EXOC6B: variants seen among roughly 807,000 people sequenced by gnomAD.
EXOC6B encodes SEC15 homolog B.
EXOC6B carries 54 observed loss-of-function variants against 113.5 expected under a neutral mutation model. The observed-to-expected ratio is 0.48, with a 90% CI of 0.38 to 0.60. EXOC6B has a LOEUF of 0.60. Ranked by LOEUF, EXOC6B falls within the 20% of genes least tolerant of loss-of-function variation. The probability of loss-of-function intolerance (pLI) is 0.00; values close to 1 mark genes in which losing one functional copy is unlikely to be tolerated. For missense variants in EXOC6B, 797 were observed against 977.5 expected (o/e 0.82, Z 2.46); for synonymous variants, 357 against 339.0 (o/e 1.05, Z -0.58).
At chr2:72,253,321 T>G (rs555127199) in intron 20 of EXOC6B, among the ~76,000 whole-genome samples, 53 of 152,304 alleles carry the variant, frequency 3.5e-4, no homozygotes, top group African/African-American at 1.3e-3. Context: ...GAATTACCAT[T>G]AGACCCAGCA....
At chr2:72,820,956 G>T (rs1300759962) in intron 1 of EXOC6B, among the ~76,000 whole-genome samples, 2 of 151,384 alleles carry the variant, frequency 1.3e-5, no homozygotes, top group African/African-American at 4.9e-5. Flanking sequence ...AACATCAAAA[G>T]CATGAAACAA....
At chr2:72,481,300 G>A (rs573523364) in intron 16 of EXOC6B, among the ~76,000 whole-genome samples, 3 of 152,108 alleles carry the variant, frequency 2.0e-5, no homozygotes, top group Non-Finnish European at 2.9e-5. Flanking sequence ...GGACTAATAC[G>A]TCCTAGCATT....
At chr2:72,540,765 CTTAA>C (rs1456293083) in intron 8 of EXOC6B, among the ~76,000 whole-genome samples, 1 of 152,146 alleles carries the variant, frequency 6.6e-6, no homozygotes, top group Admixed American at 6.5e-5. Flanking sequence ...AGTACAACCA[CTTAA>C]TTAATTAACA....
At chr2:72,569,604 T>TA (rs1197286996) in intron 7 of EXOC6B, among the ~76,000 whole-genome samples, 2 of 152,208 alleles carry the variant, frequency 1.3e-5, no homozygotes, top group African/African-American at 4.8e-5. Context: ...CAACAACCAG[T>TA]ATGCAAGCTG....
chr2:72,481,457 G>A (rs890652766), intron 16 of EXOC6B, among the ~76,000 whole-genome samples: 1 of 152,076 alleles, frequency 6.6e-6, no homozygotes, highest in African/African-American at 2.4e-5. Flanking sequence ...ATTGCCAAAT[G>A]AACTAAACAA....
intron 20 of EXOC6B, among the ~76,000 whole-genome samples, chr2:72,246,058 T>C (rs1682635415): frequency 6.6e-6 from 1 of 152,202 alleles, no homozygotes. Context: ...TTTACTTATT[T>C]TACTTTTTTA....
chr2:72,802,848 A>T (rs1205940750), intron 1 of EXOC6B, among the ~76,000 whole-genome samples: 1 of 152,192 alleles, frequency 6.6e-6, no homozygotes, highest in Non-Finnish European at 1.5e-5. Context: ...TTGAAACTAG[A>T]TAGAAAGGCA....
intron 1 of EXOC6B, among the ~76,000 whole-genome samples, chr2:72,778,274 G>A (rs1437430875): frequency 6.6e-6 from 1 of 152,128 alleles, no homozygotes; most frequent in African/African-American, 2.4e-5. Context: ...ATAGAAATAG[G>A]TTGGAAGTGA....
intron 2 of EXOC6B, among the ~76,000 whole-genome samples, chr2:72,739,704 G>T (rs1173220410): frequency 6.6e-6 from 1 of 151,862 alleles, no homozygotes; most frequent in East Asian, 1.9e-4. Context: ...GTTGAATAAG[G>T]AAAAGACCTA....
chr2:72,818,350 A>G (rs1686391365), intron 1 of EXOC6B, among the ~76,000 whole-genome samples: 1 of 147,024 alleles, frequency 6.8e-6, no homozygotes, highest in African/African-American at 2.5e-5. Context: ...TTTAGTAGAA[A>G]CGGGGTTTCA....
At chr2:72,688,924 A>G (rs911772469) in intron 6 of EXOC6B, among the ~76,000 whole-genome samples, 44 of 152,164 alleles carry the variant, frequency 2.9e-4, no homozygotes, top group African/African-American at 1.0e-3. Flanking sequence ...TAACCCGATC[A>G]CTCTGTATTA....
At chr2:72,678,863 G>A (rs1384707344) in intron 6 of EXOC6B, among the ~76,000 whole-genome samples, 1 of 152,174 alleles carries the variant, frequency 6.6e-6, no homozygotes, top group Non-Finnish European at 1.5e-5. Context: ...ATTAAAATTT[G>A]TGAGGACCTA....
intron 8 of EXOC6B, among the ~76,000 whole-genome samples, chr2:72,534,897 G>A (rs73943197): frequency 1.1e-4 from 17 of 152,110 alleles, no homozygotes; most frequent in African/African-American, 4.1e-4. Flanking sequence ...GTAGCTTTTG[G>A]TTTCTTTTTT....
intron 21 of EXOC6B, among the ~76,000 whole-genome samples, chr2:72,183,459 A>C (rs912441559): frequency 6.6e-6 from 1 of 152,190 alleles, no homozygotes; most frequent in African/African-American, 2.4e-5. Flanking sequence ...CCTCTGCTTC[A>C]GAGAGGCTAC....
chr2:72,450,890 G>A (rs754429209), intron 18 of EXOC6B, among the ~76,000 whole-genome samples: 9 of 152,012 alleles, frequency 5.9e-5, no homozygotes, highest in Admixed American at 2.0e-4. Context: ...CATTCCCTGC[G>A]CTACTCAAGG....
intron 6 of EXOC6B, among the ~76,000 whole-genome samples, chr2:72,597,588 A>G (rs1381605621): frequency 2.0e-5 from 3 of 152,010 alleles, no homozygotes; most frequent in Non-Finnish European, 2.9e-5. Flanking sequence ...TATTAATCCA[A>G]CTAAATCAAT....
In EXOC6B at chr2:72,784,114, T is replaced by G. The variant is rs1032467771; in HGVS notation, c.113+41684A>C. Among the ~76,000 whole-genome samples, 53 of 152,214 alleles carry G rather than the reference T, an allele frequency of 3.5e-4. 1 individual carries two copies. The highest frequency in any genetic ancestry group is 1.2e-3 in the African/African-American group (51 of 41,464). On this transcript the variant is annotated intron_variant, in intron 1 of 21. Transcript: ENST00000272427. ...ATTAAAGAGGATATCCTTTCCCCAATGTATGCTTTGGGTGCCTTTGTCAAA... is the reference window on the plus strand; with the variant it reads ...ATTAAAGAGGATATCCTTTCCCCAAGGTATGCTTTGGGTGCCTTTGTCAAA...
chr2:72,180,342 A>G (rs1427978931), intron 21 of EXOC6B, among the ~76,000 whole-genome samples: 1 of 152,218 alleles, frequency 6.6e-6, no homozygotes. Flanking sequence ...TGAGATGGTC[A>G]CAGAACCCCC....
At chr2:72,675,392 G>A (rs1192504492) in intron 6 of EXOC6B, among the ~76,000 whole-genome samples, 1 of 152,196 alleles carries the variant, frequency 6.6e-6, no homozygotes, top group East Asian at 1.9e-4. Context: ...TGTGCAAACT[G>A]GATTAATTAT....
Sources: allele counts gnomAD v4.1 joint callset (sites outside exome capture counted in the v4.1 genomes callset), GRCh38; gene constraint gnomAD v4.1.1; transcripts MANE v1.5; gene names NCBI Gene and HGNC (gene_info 2026-07-23, HGNC 2026-07-21).